Variants in SEMA4A observed in about 807,000 individuals in gnomAD.
SEMA4A encodes the protein semaphorin 4A, also known as semaphorin-4A.
In SEMA4A, 52 loss-of-function variants were observed where a neutral mutation model predicts 72.5. The observed-to-expected ratio is 0.72, with a 90% CI of 0.57 to 0.90. SEMA4A has a LOEUF of 0.90. Among genes scored for constraint, SEMA4A ranks in the 40% least tolerant of loss-of-function variants. SEMA4A has a pLI of 0.00. For missense variants in SEMA4A, 926 were observed against 959.7 expected, an observed-to-expected ratio of 0.96 and a Z score of 0.46; for synonymous variants, 369 against 393.1, an observed-to-expected ratio of 0.94 and a Z score of 0.73.
At chr1:156,158,937 C>T (rs1248859312) in intron 6 of SEMA4A, 113 bp downstream of exon 6, 27 of 840,864 alleles carry the variant, frequency 3.2e-5, no homozygotes, top group South Asian at 1.5e-4. Context: ...TGTGGTGATG[C>T]GTGCATATGG....
At chr1:156,166,703 T>C (rs1572410162) in intron 10 of SEMA4A, among the ~76,000 whole-genome samples, 1 of 151,684 alleles carries the variant, frequency 6.6e-6, no homozygotes, top group South Asian at 2.1e-4. Context: ...CTGAGACAGG[T>C]GGATCACCTG....
At position 156,160,481 on chromosome 1, in the gene SEMA4A, G is replaced by A. The variant is rs772824102; in HGVS notation, c.607G>A (p.Gly203Ser). The A allele has an allele frequency of 6.2e-7, 1 of 1,613,928 alleles. No homozygotes were observed. Among genetic ancestry groups the A allele is most frequent in the Non-Finnish European group, 8.5e-7 (1 of 1,179,966 alleles). Residue 203 changes from glycine (G) to serine (S), a missense_variant, in exon 7 of 15, where the codon GGC becomes AGC. Gly to Ser is a moderately conservative substitution (Grantham distance 56, BLOSUM62 0). Transcript: ENST00000368285. Reference sequence around the variant, plus strand: ...TTCTGGTACTATGAACAACTTCCTGGGCAGTGAGCCCATCCTGATGCGCAC... The same window carrying A: ...TTCTGGTACTATGAACAACTTCCTGAGCAGTGAGCCCATCCTGATGCGCAC... ...LYSGTMNNFL[G>S]SEPILMRTLG... is the part of the protein sequence containing the mutation.
Position 156,172,820 on chromosome 1 carries a change from C to G in SEMA4A, c.1135-6C>G, listed in dbSNP as rs759824008. 7 of 1,614,148 alleles carry G rather than the reference C, an allele frequency of 4.3e-6. No individual in the cohort carries two copies. The South Asian group carries it at 7.7e-5, about 18-fold the overall frequency. On this transcript the variant is annotated splice_polypyrimidine_tract_variant and splice_region_variant and intron_variant, in intron 10 of 14. Coordinates refer to ENST00000368285, the MANE Select transcript of SEMA4A (RefSeq NM_022367.4). Reference sequence around the variant, plus strand: ...ACCAACCTGATCTGCCTCCCTCCTCCTTTAGTGCTCAGTGGGCCCCTCCTC... The same window carrying G: ...ACCAACCTGATCTGCCTCCCTCCTCGTTTAGTGCTCAGTGGGCCCCTCCTC...
chr1:156,177,098 C>A lies in SEMA4A; in HGVS notation c.*101C>A. ...AGGATGACAGCAGCACAAAAGACCACCTTTCTCCCCTGAGAGGAGCTTCTG... is the reference window on the plus strand; with the variant it reads ...AGGATGACAGCAGCACAAAAGACCAACTTTCTCCCCTGAGAGGAGCTTCTG... On this transcript the variant is annotated 3_prime_UTR_variant, in exon 15 of 15. Transcript: ENST00000368285. The A allele has an allele frequency of 1.0e-6, 1 of 1,001,214 alleles. No homozygotes were observed. The highest frequency in any genetic ancestry group is 1.5e-6 in the Non-Finnish European group (1 of 653,016). The allele number at this position is 1,001,214 out of a possible 1,614,324, so 62.0% of individuals were successfully genotyped here.
Position 156,158,808 on chromosome 1 carries a change from T to TAC in SEMA4A, c.553_554dup (p.Ala186ArgfsTer14). On this transcript the variant is annotated frameshift_variant, in exon 6 of 15. Coordinates refer to ENST00000368285, the MANE Select transcript of SEMA4A (RefSeq NM_022367.4). LOFTEE classifies it high-confidence loss of function. ...GCCCCTTTGACCCCGCTCACAAGCA[T>TAC]ACGGCTGTCTTGGTGGGTGAGTATC... 6.2e-7 allele frequency: 1 copy of TAC among 1,613,904 alleles called. No homozygotes were observed. Among genetic ancestry groups the TAC allele is most frequent in the Non-Finnish European group, 8.5e-7 (1 of 1,179,814 alleles).
chr1:156,159,193 G>A (rs933297202), intron 6 of SEMA4A, among the ~76,000 whole-genome samples: 1 of 151,878 alleles, frequency 6.6e-6, no homozygotes, highest in Non-Finnish European at 1.5e-5. Flanking sequence ...AATTATCCAG[G>A]CGTGGTAGGG....
chr1:156,160,077 T>A (rs1472472562), intron 6 of SEMA4A, among the ~76,000 whole-genome samples: 1 of 151,936 alleles, frequency 6.6e-6, no homozygotes, highest in African/African-American at 2.4e-5. Flanking sequence ...GGGAAGGTGT[T>A]CCAGGGAGAG....
At chr1:156,148,748 AG>A (rs1417987955), upstream of SEMA4A, among the ~76,000 whole-genome samples, 7 of 151,200 alleles carry the variant, frequency 4.6e-5, no homozygotes, top group African/African-American at 1.7e-4. Flanking sequence ...TGCCTTTTCT[AG>A]TCCCCTGCCA....
In SEMA4A at chr1:156,154,691, C is replaced by T; in HGVS notation, c.113C>T (p.Pro38Leu). ...ACCGCGGGGGGAGGCGGGCAGGGGC[C>T]CATGCCCAGGGTCAGATACTATGCA... ...TTTAGGGGQG[P>L]MPRVRYYAGD... Residue 38 changes from proline (P) to leucine (L), a missense_variant, in exon 2 of 15, where the codon CCC becomes CTC. Transcript: ENST00000368285. The T allele has an allele frequency of 1.9e-6, 3 of 1,590,324 alleles. No homozygotes were observed. The highest frequency in any genetic ancestry group is 2.6e-6 in the Non-Finnish European group (3 of 1,168,874).
chr1:156,160,641 A>T, intron 7 of SEMA4A, 82 bp downstream of exon 7: 1 of 1,273,620 alleles, frequency 7.9e-7, no homozygotes, highest in Non-Finnish European at 1.1e-6. Context: ...TGCGGAAGGT[A>T]CAATGTGTCC....
intron 10 of SEMA4A, among the ~76,000 whole-genome samples, chr1:156,167,904 T>G (rs1241415915): frequency 1.5e-5 from 2 of 131,728 alleles, no homozygotes; most frequent in African/African-American, 5.8e-5. Context: ...CTGTTTCCTC[T>G]TAGTTTTTTT....
chr1:156,171,930 C>A (rs2102997724), intron 10 of SEMA4A, among the ~76,000 whole-genome samples: 1 of 149,210 alleles, frequency 6.7e-6, no homozygotes, highest in East Asian at 2.0e-4. Flanking sequence ...ACTACAGGTG[C>A]CTGCTACCAC....
At chr1:156,156,221 C>G (rs1244127995) in intron 2 of SEMA4A, 193 bp from the exon 3 acceptor site, 4 of 632,580 alleles carry the variant, frequency 6.3e-6, no homozygotes, top group Non-Finnish European at 5.8e-6. Flanking sequence ...CTCTCTACTG[C>G]GGGCTCAGCA....
intron 11 of SEMA4A, 91 bp downstream of exon 11, chr1:156,173,097 T>A (rs1186407367): frequency 7.7e-7 from 1 of 1,295,158 alleles, no homozygotes; most frequent in Non-Finnish European, 1.1e-6. Context: ...CATTCACTTA[T>A]TCATTCAACA....
At chr1:156,152,857 G>A (rs530873982), upstream of SEMA4A, among the ~76,000 whole-genome samples, 1 of 152,302 alleles carries the variant, frequency 6.6e-6, no homozygotes, top group East Asian at 1.9e-4. Flanking sequence ...TTAACCTGCA[G>A]TCAGCTGACC....
At position 156,176,686 on chromosome 1, in the gene SEMA4A, G is replaced by A. The variant is rs750103028; in HGVS notation, c.1975G>A (p.Glu659Lys). ...LDPELAGIPREHVKVPLTRVS... is the reference protein window; with the variant it reads ...LDPELAGIPRKHVKVPLTRVS... The stretch of plus-strand genomic sequence containing the variant: ...TCCTGAACTGGCAGGCATCCCCCGG[G>A]AGCATGTGAAGGTCCCGTTGACCAG... Residue 659 changes from glutamate to lysine, a missense_variant, in exon 15 of 15, where the codon GAG becomes AAG. Glu to Lys is a moderately conservative substitution (Grantham distance 56). Transcript: ENST00000368285. 14 of 1,614,170 alleles carry A rather than the reference G, an allele frequency of 8.7e-6. No homozygotes were observed. The highest frequency in any genetic ancestry group is 7.7e-5 in the South Asian group (7 of 91,078).
chr1:156,161,302 G>A, intron 8 of SEMA4A, 44 bp from the exon 9 acceptor site: 3 of 570,882 alleles, frequency 5.3e-6, no homozygotes, highest in Non-Finnish European at 7.6e-6. Context: ...GGGCTGGGGG[G>A]TCGGGGCGCC....
chr1:156,163,868 C>T (rs1653914322), intron 10 of SEMA4A, among the ~76,000 whole-genome samples: 1 of 150,566 alleles, frequency 6.6e-6, no homozygotes, highest in Admixed American at 6.6e-5. Context: ...AAGACTCTGT[C>T]TCTACCAAAA....
At chr1:156,172,107 T>C (rs1298185389) in intron 10 of SEMA4A, among the ~76,000 whole-genome samples, 1 of 146,458 alleles carries the variant, frequency 6.8e-6, no homozygotes, top group Non-Finnish European at 1.5e-5. Flanking sequence ...TTTATTTATT[T>C]ATTTATTTAT....
Sources: allele counts gnomAD v4.1 joint callset (sites outside exome capture counted in the v4.1 genomes callset), GRCh38; gene constraint gnomAD v4.1.1; transcripts MANE v1.5; gene names NCBI Gene and HGNC (gene_info 2026-07-23, HGNC 2026-07-21).